NKPD1: variants seen among roughly 807,000 people sequenced by gnomAD.
The protein encoded by NKPD1 is NTPase KAP family P-loop domain-containing protein 1.
A neutral mutation model predicts 42.2 loss-of-function variants in NKPD1; 37 were observed. That is an observed-to-expected ratio of 0.88 (90% CI 0.67 to 1.15). The LOEUF is 1.15. NKPD1 is among the 50% of genes most tolerant of loss of function. The pLI is 0.00. For synonymous variants in NKPD1, 552 were observed against 536.5 expected (o/e 1.03, Z -0.40); for missense variants, 1,113 against 1,174.6 (o/e 0.95, Z 0.77).
At chr19:45,154,996 G>C (rs1002614912) in intron 4 of NKPD1, among the ~76,000 whole-genome samples, 1 of 139,046 alleles carries the variant, frequency 7.2e-6, no homozygotes, top group African/African-American at 2.8e-5. Context: ...CTGCAGTACA[G>C]CCTGGGCGAC....
chr19:45,154,192 T>G (rs564717365), intron 4 of NKPD1, among the ~76,000 whole-genome samples: 2 of 152,336 alleles, frequency 1.3e-5, no homozygotes, highest in East Asian at 3.9e-4. Flanking sequence ...AATGAGATGC[T>G]GAGGAGGAGC....
chr19:45,153,386 G>A lies in NKPD1; in HGVS notation c.1051C>T (p.Leu351=). Reference sequence around the variant, plus strand: ...TAGAGCAGCCCCACACCCAGGCCCAGCGCCGCCAGCAGCGCCAGCAGCCCC... The same window carrying A: ...TAGAGCAGCCCCACACCCAGGCCCAACGCCGCCAGCAGCGCCAGCAGCCCC... ...CLGLLALLAA[L]GLGVGLLYLS... The change falls in exon 5 of 5, where the codon CTG becomes TTG. Residue 351 remains leucine (L), a synonymous_variant. Coordinates refer to ENST00000686631, the MANE Select transcript of NKPD1 (RefSeq NM_198478.4). 6.4e-7 allele frequency: 1 copy of A among 1,560,876 alleles called. No homozygotes were observed. Among genetic ancestry groups the A allele is most frequent in the Non-Finnish European group, 8.6e-7 (1 of 1,156,640 alleles).
chr19:45,152,694 C>T lies in NKPD1; in HGVS notation c.1743G>A (p.Gly581=), dbSNP rs1968812984. Residue 581 remains glycine, a synonymous_variant, in exon 5 of 5, where the codon GGG becomes GGA. Transcript: ENST00000686631. Reference sequence around the variant, plus strand: ...CGATGCGGCCCTGCCCGCGCTCCGTCCCCGCCTGCGCCTGCACCGCCAGCA... The same window carrying T: ...CGATGCGGCCCTGCCCGCGCTCCGTTCCCGCCTGCGCCTGCACCGCCAGCA... ...AQLLAVQAQA[G]TERGQGRIDD... is the part of the protein sequence containing the mutation. 6.4e-7 allele frequency: 1 copy of T among 1,551,840 alleles called. No homozygotes were observed. The highest frequency in any genetic ancestry group is 8.7e-7 in the Non-Finnish European group (1 of 1,154,576).
Position 45,152,105 on chromosome 19 carries a change from G to C in NKPD1, c.2332C>G (p.His778Asp), listed in dbSNP as rs776363032. 1.1e-4 allele frequency: 175 copies of C among 1,604,468 alleles called. No individual in the cohort carries two copies. In the African/African-American group the frequency reaches 2.0e-3, roughly 19 times the overall value. The change falls in exon 5 of 5, where the codon CAC becomes GAC. Residue 778 changes from histidine (H) to aspartate (D), a missense_variant. By Grantham distance (81) the His-to-Asp change is moderately conservative. Transcript: ENST00000686631. ...GCGCTGTTGGCCCGGTGGGCAGCGT[G>C]GGGGGTATCGCGGGTAGGGGACTTG... ...PPKSPTRDTP[H>D]AAHRANSASR...
At position 45,153,390 on chromosome 19, in the gene NKPD1, C is replaced by T. The variant is rs779274901; in HGVS notation, c.1047G>A (p.Ala349=). The part of the protein sequence containing the change: ...RVCLGLLALL[A]ALGLGVGLLY... Reference sequence around the variant, plus strand: ...GCAGCCCCACACCCAGGCCCAGCGCCGCCAGCAGCGCCAGCAGCCCCAGGC... The same window carrying T: ...GCAGCCCCACACCCAGGCCCAGCGCTGCCAGCAGCGCCAGCAGCCCCAGGC... Residue 349 remains alanine, a synonymous_variant, in exon 5 of 5, where the codon GCG becomes GCA. Coordinates refer to ENST00000686631, the MANE Select transcript of NKPD1 (RefSeq NM_198478.4). 1.4e-5 allele frequency: 21 copies of T among 1,554,046 alleles called. No homozygotes were observed. Among genetic ancestry groups the T allele is most frequent in the East Asian group, 2.4e-5 (1 of 42,050 alleles).
chr19:45,162,559 C>T (rs937538948), upstream of NKPD1, among the ~76,000 whole-genome samples: 8 of 152,074 alleles, frequency 5.3e-5, no homozygotes, highest in Non-Finnish European at 4.4e-5. Flanking sequence ...AGCAGGAGTG[C>T]GTAGGGGCCG....
rs1305134877 is a variant in NKPD1, at chr19:45,158,642, CAAG to C, written c.529+18_529+20del. 5 of 1,154,764 alleles carry C rather than the reference CAAG, an allele frequency of 4.3e-6. No individual in the cohort carries two copies. Among genetic ancestry groups the C allele is most frequent in the South Asian group, 1.7e-5 (1 of 59,438 alleles). 71.5% of individuals were successfully genotyped at this position (1,154,764 alleles called of 1,614,324 possible). A position where few individuals can be genotyped will look rare whatever the true frequency, so the allele number is the denominator to read the frequency against. On this transcript the variant is annotated intron_variant, in intron 3 of 4. Coordinates refer to ENST00000686631, the MANE Select transcript of NKPD1 (RefSeq NM_198478.4). This position sits in a 1 kb window ranked among gnomAD's most constrained non-coding sequence, Gnocchi z 4.6. ...GCGGCAGGAGTGGGGACAGGGCCCC[CAAG>C]AAGGCCAGGGTGAGCACCGGAGCTG...
chr19:45,158,571 G>T lies in NKPD1; in HGVS notation c.529+92C>A. 1 of 1,129,582 alleles carries T rather than the reference G, an allele frequency of 8.9e-7. No individual in the cohort carries two copies. Among genetic ancestry groups the T allele is most frequent in the Non-Finnish European group, 1.1e-6 (1 of 913,688 alleles). 70.0% of individuals were successfully genotyped at this position (1,129,582 alleles called of 1,614,324 possible). ...AACAGGGTGTGGATGAAGAGGGCAG[G>T]TGCAAGATGCTAGGCAGGGAGCAAG... On this transcript the variant is annotated intron_variant, in intron 3 of 4. Coordinates refer to ENST00000686631, the MANE Select transcript of NKPD1 (RefSeq NM_198478.4). The surrounding 1 kb of genome is among the most constrained non-coding windows in gnomAD (Gnocchi z 4.6).
At chr19:45,154,762 C>T (rs1438729262) in intron 4 of NKPD1, among the ~76,000 whole-genome samples, 1 of 152,110 alleles carries the variant, frequency 6.6e-6, no homozygotes, top group Non-Finnish European at 1.5e-5. Context: ...GTGAGTCACG[C>T]CTGTAATCTC....
rs777761880 is a variant in NKPD1, at chr19:45,150,132, C to G, written c.*1806G>C. The G allele has an allele frequency of 6.6e-6, 1 of 152,088 alleles. No homozygotes were observed. Among genetic ancestry groups the G allele is most frequent in the Admixed American group, 6.6e-5 (1 of 15,262 alleles). The allele number at this position is 152,088 out of a possible 1,614,324, so 9.4% of individuals were successfully genotyped here. ...TTAATCAGTCGGAGTCTTGCTCTGT[C>G]GCCCAGGCTGGAGTGCAGTGGCACC... On this transcript the variant is annotated 3_prime_UTR_variant, in exon 5 of 5. Transcript: ENST00000686631.
Position 45,152,395 on chromosome 19 carries a change from C to G in NKPD1, c.2042G>C (p.Gly681Ala), listed in dbSNP as rs749891045. 4 of 1,577,250 alleles carry G rather than the reference C, an allele frequency of 2.5e-6. No homozygotes were observed. Among genetic ancestry groups the G allele is most frequent in the East Asian group, 4.8e-5 (2 of 42,084 alleles). The change falls in exon 5 of 5, where the codon GGG (glycine) becomes GCG (alanine). Residue 681 changes from glycine (G) to alanine (A), a missense_variant. This residue lies in a region of NKPD1 where 867 missense variants were observed against 870.1 expected (regional missense o/e 1.00). Coordinates refer to ENST00000686631, the MANE Select transcript of NKPD1 (RefSeq NM_198478.4). ...LQCLEDRQQT[G>A]GAPEGRARLW... ...GCGCGCGCGGCCCTCGGGCGCGCCC[C>G]CGGTCTGCTGCCGGTCCTCCAGGCA...
intron 1 of NKPD1, among the ~76,000 whole-genome samples, 161 bp downstream of exon 1, chr19:45,160,764 G>C (rs1568459775): frequency 6.6e-6 from 1 of 152,112 alleles, no homozygotes; most frequent in South Asian, 2.1e-4. Context: ...GGGCAAGATG[G>C]GTGTACCGCG....
chr19:45,154,365 G>A (rs754540243), intron 4 of NKPD1, among the ~76,000 whole-genome samples: 3 of 152,184 alleles, frequency 2.0e-5, no homozygotes, highest in Non-Finnish European at 2.9e-5. Flanking sequence ...GCTGGACTGT[G>A]AGCCGGAAGG....
chr19:45,153,077 C>T lies in NKPD1; in HGVS notation c.1360G>A (p.Val454Met), dbSNP rs1968825633. 6.3e-7 allele frequency: 1 copy of T among 1,577,880 alleles called. No homozygotes were observed. Among genetic ancestry groups the T allele is most frequent in the Non-Finnish European group, 8.6e-7 (1 of 1,162,372 alleles). ...LEIYQRRRLR[V>M]VLEVTGLDTC... ...TCCAGCCCGGTGACCTCCAGCACCA[C>T]GCGCAGCCTGCGCCGCTGGTAGATC... The change falls in exon 5 of 5, where the codon GTG (valine) becomes ATG (methionine). Residue 454 changes from valine to methionine, a missense_variant. Physicochemically the swap from Val to Met is conservative, Grantham distance 21. Around this residue, in one of 3 missense-constraint regions of NKPD1, gnomAD observed 867 missense variants for 870.1 expected, o/e 1.00. Coordinates refer to ENST00000686631, the MANE Select transcript of NKPD1 (RefSeq NM_198478.4).
At chr19:45,159,497 G>A (rs1252627015) in intron 2 of NKPD1, among the ~76,000 whole-genome samples, 2 of 152,146 alleles carry the variant, frequency 1.3e-5, no homozygotes, top group Non-Finnish European at 2.9e-5. Flanking sequence ...CGGAGTGATG[G>A]GTGGTGGCGT....
rs1968980892 is a variant in NKPD1, at chr19:45,160,197, G to A, written c.-47C>T. 1 of 1,171,176 alleles carries A rather than the reference G, an allele frequency of 8.5e-7. No individual in the cohort carries two copies. Among genetic ancestry groups the A allele is most frequent in the Non-Finnish European group, 1.2e-6 (1 of 869,556 alleles). 72.5% of individuals were successfully genotyped at this position (1,171,176 alleles called of 1,614,324 possible). On this transcript the variant is annotated 5_prime_UTR_variant, in exon 2 of 5. Transcript: ENST00000686631. ...TGGGGGCCTGCTCCTGAGGCAGGAG[G>A]GAGCACACAGGCTTGGCGTAGCCTC...
Position 45,159,117 on chromosome 19 carries a change from G to C in NKPD1, c.92-17C>G, listed in dbSNP as rs1412115240. 2 of 1,267,296 alleles carry C rather than the reference G, an allele frequency of 1.6e-6. No individual in the cohort carries two copies. Among genetic ancestry groups the C allele is most frequent in the Non-Finnish European group, 1.0e-6 (1 of 980,114 alleles). The allele number at this position is 1,267,296 out of a possible 1,614,324, so 78.5% of individuals were successfully genotyped here. On this transcript the variant is annotated splice_polypyrimidine_tract_variant and intron_variant, in intron 2 of 4. Coordinates refer to ENST00000686631, the MANE Select transcript of NKPD1 (RefSeq NM_198478.4). ...GACAGCATCCTGGAAGGAAGGAAGT[G>C]GGGGTGACTGGGCCTGTGTCCCCGA...
rs1968944070 is a variant in NKPD1 at position 45,158,494 on chromosome 19, G to A, written c.529+169C>T. On this transcript the variant is annotated intron_variant, in intron 3 of 4. Coordinates refer to ENST00000686631, the MANE Select transcript of NKPD1 (RefSeq NM_198478.4). This position sits in a 1 kb window ranked among gnomAD's most constrained non-coding sequence, Gnocchi z 4.6. ...GCCTTGGACCCCAACAGGCAAAGCT[G>A]AGGCAGCCAGCCTGAGCCCCATGGC... Among the ~76,000 whole-genome samples, 1 of 152,286 alleles carries A rather than the reference G, an allele frequency of 6.6e-6. No homozygotes were observed. Among genetic ancestry groups the A allele is most frequent in the African/African-American group, 2.4e-5 (1 of 41,486 alleles).
chr19:45,157,048 TCTA>T (rs1265712100), intron 3 of NKPD1, among the ~76,000 whole-genome samples: 1 of 152,190 alleles, frequency 6.6e-6, no homozygotes, highest in East Asian at 1.9e-4. Flanking sequence ...TCCCTGTTGC[TCTA>T]CTTTCAATCC....
Sources: gnomAD v4.1 joint callset for allele counts (sites outside exome capture counted in the v4.1 genomes callset) on GRCh38, gnomAD v4.1.1 for gene constraint, gnomAD v4.1.1 regional missense constraint, Gnocchi (gnomAD v3.1) non-coding constraint, MANE v1.5 for transcripts, NCBI Gene and HGNC (gene_info 2026-07-23, HGNC 2026-07-21) for gene names.